The following IGF2BP3 variants were observed in gnomAD, a reference collection of about 807,000 sequenced individuals.
IGF2BP3 encodes the protein insulin-like growth factor 2 mRNA-binding protein 3.
In IGF2BP3, 9 loss-of-function variants were observed where a neutral mutation model predicts 73.8. The observed-to-expected ratio is 0.12, with a 90% CI of 0.07 to 0.21. The LOEUF (loss-of-function observed/expected upper bound fraction) is 0.21. Among genes scored for constraint, IGF2BP3 ranks in the 10% least tolerant of loss-of-function variants. The pLI is 1.00. For missense variants in IGF2BP3, 542 were observed against 714.0 expected, an observed-to-expected ratio of 0.76 and a Z score of 2.75; for synonymous variants, 258 against 256.7, an observed-to-expected ratio of 1.01 and a Z score of -0.05.
chr7:23,410,053 C>T (rs554913553), intron 3 of IGF2BP3, among the ~76,000 whole-genome samples: 1 of 152,140 alleles, frequency 6.6e-6, no homozygotes, highest in East Asian at 1.9e-4. Flanking sequence ...CCTGTAATCC[C>T]AGCTACTCAG....
Position 23,408,975 on chromosome 7 carries a change from A to AT in IGF2BP3, c.285+9800dup, listed in dbSNP as rs957551126. ...ATTTTTCCACGGACAGAGAGTGGGG[A>AT]TGGGGGGGATGGCTTCAGGATGAAA... On this transcript the variant is annotated intron_variant, in intron 3 of 14. Transcript: ENST00000258729. Among the ~76,000 whole-genome samples, 24 of 133,714 alleles carry AT rather than the reference A, an allele frequency of 1.8e-4. 1 individual carries two copies. Among genetic ancestry groups the AT allele is most frequent in the Admixed American group, 1.1e-3 (15 of 13,476 alleles). 87.7% of individuals were successfully genotyped at this position (133,714 alleles called of 152,430 possible). A position where few individuals can be genotyped will look rare whatever the true frequency, so the allele number is the denominator to read the frequency against.
At chr7:23,418,865 A>T (rs1321828920) in intron 2 of IGF2BP3, 41 bp from the exon 3 acceptor site, 31 of 1,362,870 alleles carry the variant, frequency 2.3e-5, no homozygotes, top group Middle Eastern at 1.8e-4. Context: ...AAAAAAACAT[A>T]AAAGCAAAAC....
At chr7:23,333,808 T>C in intron 10 of IGF2BP3, among the ~76,000 whole-genome samples, 1 of 152,244 alleles carries the variant, frequency 6.6e-6, no homozygotes, top group East Asian at 1.9e-4. Context: ...TTGGCAATCA[T>C]GTCTTGAAGA....
chr7:23,363,675 C>A (rs960356981), intron 3 of IGF2BP3, among the ~76,000 whole-genome samples: 3 of 152,154 alleles, frequency 2.0e-5, no homozygotes, highest in Admixed American at 6.5e-5. Flanking sequence ...GAGGTATACA[C>A]ACAGAAGCAC....
At chr7:23,370,387 T>A (rs574920270) in intron 3 of IGF2BP3, among the ~76,000 whole-genome samples, 10 of 152,348 alleles carry the variant, frequency 6.6e-5, no homozygotes, top group Non-Finnish European at 1.2e-4. Flanking sequence ...AAATCTTTTT[T>A]ATTTGACTGT....
intron 3 of IGF2BP3, 76 bp downstream of exon 3, chr7:23,418,700 G>A: frequency 1.1e-6 from 1 of 933,848 alleles, no homozygotes; most frequent in Non-Finnish European, 1.7e-6. Context: ...TTGAGGAAAG[G>A]AGAAAAAGCT....
rs117786972 is a variant in IGF2BP3, at chr7:23,424,175, C to T, written c.237-5351G>A. 1.2e-3 allele frequency among the ~76,000 whole-genome samples: 174 copies of T among 150,100 alleles called. 4 individuals are homozygous for T. The East Asian group carries it at 0.018, about 16-fold the overall frequency. ...AGGGTTCCCCACCAGAGGGGAAATA[C>T]GGTAAATTTTAGTTCTCAGGCTAAT... On this transcript the variant is annotated intron_variant, in intron 2 of 14. Transcript: ENST00000258729.
At chr7:23,361,397 C>G (rs1019116160) in intron 5 of IGF2BP3, 137 bp downstream of exon 5, 1 of 630,570 alleles carries the variant, frequency 1.6e-6, no homozygotes, top group Non-Finnish European at 2.8e-6. Context: ...AAGAAAGGCA[C>G]GATTACAGGG....
At chr7:23,455,976 C>T (rs763497694) in intron 2 of IGF2BP3, among the ~76,000 whole-genome samples, 3 of 152,184 alleles carry the variant, frequency 2.0e-5, no homozygotes, top group East Asian at 1.9e-4. Flanking sequence ...TGAGCCACTG[C>T]GCCCGGCAGG....
At chr7:23,358,043 C>A (rs181588418) in intron 5 of IGF2BP3, among the ~76,000 whole-genome samples, 2 of 152,342 alleles carry the variant, frequency 1.3e-5, no homozygotes, top group Admixed American at 6.5e-5. Context: ...TAGCTGCTAA[C>A]TTTTGAGCTC....
intron 2 of IGF2BP3, among the ~76,000 whole-genome samples, chr7:23,468,220 G>T (rs536465625): frequency 6.6e-6 from 1 of 152,292 alleles, no homozygotes; most frequent in African/African-American, 2.4e-5. Flanking sequence ...TCGGACCGAG[G>T]ACATTCAGCT....
intron 3 of IGF2BP3, among the ~76,000 whole-genome samples, chr7:23,379,908 T>G (rs1288152420): frequency 6.6e-6 from 1 of 152,152 alleles, no homozygotes; most frequent in African/African-American, 2.4e-5. Context: ...CATCTCTTAT[T>G]GTTAACGAGT....
At chr7:23,324,210 T>C (rs1022855346) in intron 10 of IGF2BP3, among the ~76,000 whole-genome samples, 7 of 150,520 alleles carry the variant, frequency 4.7e-5, no homozygotes, top group Non-Finnish European at 8.9e-5. Flanking sequence ...AAGAATCAAA[T>C]AGACACAATA....
intron 2 of IGF2BP3, among the ~76,000 whole-genome samples, chr7:23,440,095 C>G (rs1252603362): frequency 6.6e-6 from 1 of 152,050 alleles, no homozygotes; most frequent in Non-Finnish European, 1.5e-5. Flanking sequence ...AACCCCGTCT[C>G]TACTAAAAAT....
intron 5 of IGF2BP3, among the ~76,000 whole-genome samples, chr7:23,355,127 A>G (rs912587771): frequency 5.3e-5 from 8 of 152,212 alleles, no homozygotes; most frequent in Non-Finnish European, 7.3e-5. Context: ...AACGACTGTC[A>G]TAATTATTTG....
At chr7:23,404,496 T>G (rs1786766859) in intron 3 of IGF2BP3, among the ~76,000 whole-genome samples, 1 of 152,132 alleles carries the variant, frequency 6.6e-6, no homozygotes, top group Non-Finnish European at 1.5e-5. Context: ...GGGTTGATAG[T>G]CAAGCTTTGA....
intron 10 of IGF2BP3, among the ~76,000 whole-genome samples, chr7:23,329,603 T>A (rs1562676421): frequency 6.6e-6 from 1 of 152,232 alleles, no homozygotes; most frequent in Non-Finnish European, 1.5e-5. Context: ...AGTTAATACA[T>A]TTATGATACC....
At chr7:23,332,415 T>C (rs762934617) in intron 10 of IGF2BP3, among the ~76,000 whole-genome samples, 1 of 152,254 alleles carries the variant, frequency 6.6e-6, no homozygotes, top group African/African-American at 2.4e-5. Flanking sequence ...TAGGATAATG[T>C]AACACACTGC....
chr7:23,405,067 T>C (rs970938895), intron 3 of IGF2BP3: 3 of 152,208 alleles, frequency 2.0e-5, no homozygotes, highest in African/African-American at 7.2e-5. Flanking sequence ...GCATTTCTTT[T>C]AAGAGGGTAA....
Sources: gnomAD v4.1 joint callset for allele counts (sites outside exome capture counted in the v4.1 genomes callset) on GRCh38, gnomAD v4.1.1 for gene constraint, MANE v1.5 for transcripts, NCBI Gene and HGNC (gene_info 2026-07-23, HGNC 2026-07-21) for gene names.